The following USP15 variants were observed in gnomAD, a reference collection of about 807,000 sequenced individuals.
The protein encoded by USP15 is ubiquitin carboxyl-terminal hydrolase 15.
In USP15, 18 loss-of-function variants were observed where a neutral mutation model predicts 127.1. The observed-to-expected ratio is 0.14, with a 90% CI of 0.10 to 0.21. The LOEUF (loss-of-function observed/expected upper bound fraction) is 0.21. Ranked by LOEUF, USP15 falls within the 10% of genes least tolerant of loss-of-function variation. USP15 has a pLI of 1.00. For synonymous variants in USP15, 364 were observed against 393.7 expected, an observed-to-expected ratio of 0.92 and a Z score of 0.89; for missense variants, 805 against 1,159.9, an observed-to-expected ratio of 0.69 and a Z score of 4.44.
chr12:62,336,612 C>T (rs2065473983), intron 6 of USP15: 8 of 518,316 alleles, frequency 1.5e-5, no homozygotes, highest in Admixed American at 6.4e-5. Flanking sequence ...AATAACAGTA[C>T]AAAACCATTG....
intron 6 of USP15, chr12:62,336,317 T>G (rs2065463420): frequency 5.1e-6 from 5 of 985,326 alleles, no homozygotes; most frequent in Non-Finnish European, 6.0e-6. Flanking sequence ...CCAAATCTTT[T>G]TACCCCTCCT....
intron 2 of USP15, among the ~76,000 whole-genome samples, chr12:62,295,144 C>CA (rs376729966): frequency 6.6e-6 from 1 of 152,054 alleles, no homozygotes; most frequent in Non-Finnish European, 1.5e-5. Context: ...GACCCCCCCC[C>CA]ATAGGGTTGC....
At chr12:62,310,313 A>G (rs188947776) in intron 3 of USP15, among the ~76,000 whole-genome samples, 34 of 151,986 alleles carry the variant, frequency 2.2e-4, no homozygotes, top group Admixed American at 2.0e-3. Flanking sequence ...CTCTGCTACC[A>G]AACATTGAAT....
intron 20 of USP15, 22 bp from the exon 21 acceptor site, chr12:62,401,165 G>A (rs1330897929): frequency 1.3e-6 from 2 of 1,576,344 alleles, no homozygotes; most frequent in African/African-American, 1.3e-5. Context: ...TTTCGTCACA[G>A]TGATTATATT....
intron 1 of USP15, among the ~76,000 whole-genome samples, chr12:62,266,925 G>A (rs1487426243): frequency 1.3e-5 from 2 of 151,812 alleles, no homozygotes; most frequent in African/African-American, 4.8e-5. Flanking sequence ...TTTCAGAGCT[G>A]GTTTAAATAC....
intron 21 of USP15, 75 bp from the exon 22 acceptor site, chr12:62,404,118 C>G: frequency 1.5e-6 from 2 of 1,355,432 alleles, no homozygotes; most frequent in Non-Finnish European, 1.9e-6. Flanking sequence ...AAATTGGTGA[C>G]CAGCTAAAAA....
At chr12:62,372,891 A>G (rs1173811549) in intron 8 of USP15, among the ~76,000 whole-genome samples, 1 of 152,072 alleles carries the variant, frequency 6.6e-6, no homozygotes, top group Non-Finnish European at 1.5e-5. Context: ...TCTTAATGTT[A>G]TTAGAACCTT....
intron 6 of USP15, chr12:62,335,643 G>A (rs1045784692): frequency 6.1e-6 from 6 of 988,158 alleles, no homozygotes; most frequent in Middle Eastern, 5.1e-4. Flanking sequence ...CTCAGCCTAT[G>A]AATATAAACA....
intron 6 of USP15, among the ~76,000 whole-genome samples, chr12:62,341,942 G>T (rs925006824): frequency 1.3e-5 from 2 of 152,112 alleles, no homozygotes; most frequent in African/African-American, 4.8e-5. Flanking sequence ...CAAGGTTGGG[G>T]AGGTTCTCCT....
intron 2 of USP15, among the ~76,000 whole-genome samples, chr12:62,297,315 A>G (rs1406429543): frequency 1.3e-5 from 2 of 152,118 alleles, no homozygotes; most frequent in African/African-American, 4.8e-5. Context: ...GTGTACCCCC[A>G]GTGTTCCAGT....
intron 8 of USP15, among the ~76,000 whole-genome samples, chr12:62,358,204 G>A (rs2066199362): frequency 6.6e-6 from 1 of 151,908 alleles, no homozygotes; most frequent in Admixed American, 6.6e-5. Context: ...ATGTAAGCGT[G>A]GGTTATACTT....
At chr12:62,400,443 C>A (rs2067646744) in intron 20 of USP15, among the ~76,000 whole-genome samples, 1 of 151,872 alleles carries the variant, frequency 6.6e-6, no homozygotes, top group African/African-American at 2.4e-5. Flanking sequence ...ATAAATTGAA[C>A]ATAGTACTCA....
chr12:62,278,877 G>GA (rs2063568941), intron 1 of USP15, among the ~76,000 whole-genome samples: 1 of 152,046 alleles, frequency 6.6e-6, no homozygotes, highest in South Asian at 2.1e-4. Context: ...TACTGAAAAT[G>GA]AAAAACAGAA....
intron 20 of USP15, 99 bp from the exon 21 acceptor site, chr12:62,401,088 T>C: frequency 1.5e-6 from 1 of 684,200 alleles, no homozygotes; most frequent in Middle Eastern, 4.0e-4. Context: ...TGATTATCAG[T>C]GTTAATAGAT....
intron 9 of USP15, among the ~76,000 whole-genome samples, chr12:62,382,815 A>G (rs2067031526): frequency 6.6e-6 from 1 of 151,912 alleles, no homozygotes; most frequent in African/African-American, 2.4e-5. Context: ...GTTATCTTAA[A>G]AATGCTTTCA....
At chr12:62,346,247 A>G (rs1592637983) in intron 6 of USP15, among the ~76,000 whole-genome samples, 2 of 152,234 alleles carry the variant, frequency 1.3e-5, no homozygotes, top group Admixed American at 1.3e-4. Flanking sequence ...TTAAGATTTA[A>G]TAAAATCAAT....
chr12:62,374,628 G>A, intron 8 of USP15: 1 of 944,108 alleles, frequency 1.1e-6, no homozygotes, highest in Non-Finnish European at 1.3e-6. Context: ...TTGAGATTTG[G>A]TTATATAATA....
At chr12:62,281,608 G>C (rs1365579190) in intron 1 of USP15, among the ~76,000 whole-genome samples, 1 of 152,098 alleles carries the variant, frequency 6.6e-6, no homozygotes, top group Non-Finnish European at 1.5e-5. Context: ...CACAGTGCTG[G>C]GATTACAGGC....
chr12:62,357,091 A>G (rs1330449157), intron 8 of USP15, among the ~76,000 whole-genome samples: 3 of 152,010 alleles, frequency 2.0e-5, no homozygotes, highest in Non-Finnish European at 4.4e-5. Context: ...GTGCTTTTTC[A>G]TAAATATTAA....
Sources: gnomAD v4.1 joint callset for allele counts (sites outside exome capture counted in the v4.1 genomes callset) on GRCh38, gnomAD v4.1.1 for gene constraint, MANE v1.5 for transcripts, NCBI Gene and HGNC (gene_info 2026-07-23, HGNC 2026-07-21) for gene names.